Variants in TCF12 observed in about 807,000 individuals in gnomAD.
TCF12 encodes the protein transcription factor 12, also known as DNA-binding protein HTF4.
Under a neutral mutation model 86.0 loss-of-function variants are expected in TCF12, and 45 were observed. The observed-to-expected ratio is 0.52, with a 90% confidence interval of 0.41 to 0.67. TCF12 has a LOEUF of 0.67. TCF12 is among the 30% of genes least tolerant of loss of function. The pLI is 0.00. For missense variants in TCF12, 881 were observed against 859.9 expected, an observed-to-expected ratio of 1.02 and a Z score of -0.31; for synonymous variants, 330 against 299.6, an observed-to-expected ratio of 1.10 and a Z score of -1.05.
At chr15:57,265,102 G>GTATAT (rs2060796960) in intron 18 of TCF12, among the ~76,000 whole-genome samples, 2 of 149,802 alleles carry the variant, frequency 1.3e-5, no homozygotes, top group Admixed American at 1.3e-4. Flanking sequence ...GTATAGTATA[G>GTATAT]TATAGTATAG....
intron 3 of TCF12, among the ~76,000 whole-genome samples, chr15:56,956,535 T>C (rs1224547508): frequency 1.3e-5 from 2 of 152,202 alleles, no homozygotes; most frequent in East Asian, 3.8e-4. Flanking sequence ...ATTTTTCTTG[T>C]ACTTCAACAA....
At chr15:56,945,096 C>G (rs2060937372) in intron 3 of TCF12, among the ~76,000 whole-genome samples, 1 of 152,044 alleles carries the variant, frequency 6.6e-6, no homozygotes, top group Middle Eastern at 3.4e-3. Flanking sequence ...TTCTTTGGTT[C>G]TATTATATGT....
chr15:56,944,099 A>G (rs1411049693), intron 3 of TCF12, among the ~76,000 whole-genome samples: 1 of 152,208 alleles, frequency 6.6e-6, no homozygotes, highest in South Asian at 2.1e-4. Flanking sequence ...GGAAACAAAC[A>G]TGAAAAACTT....
At chr15:57,285,632 T>G (rs1362152921) in intron 20 of TCF12, among the ~76,000 whole-genome samples, 1 of 152,220 alleles carries the variant, frequency 6.6e-6, no homozygotes. Flanking sequence ...GTCTCACTAC[T>G]GAGGAATGAA....
intron 8 of TCF12, among the ~76,000 whole-genome samples, chr15:57,210,857 T>G (rs531988851): frequency 2.6e-5 from 4 of 152,330 alleles, no homozygotes; most frequent in African/African-American, 9.6e-5. Context: ...TTGTGTATAA[T>G]AGTCCTGTTT....
chr15:57,284,236 ACT>A (rs2061832283), intron 20 of TCF12, among the ~76,000 whole-genome samples: 1 of 151,434 alleles, frequency 6.6e-6, no homozygotes, highest in South Asian at 2.1e-4. Flanking sequence ...ATGGAGTTTG[ACT>A]CTGTCGCCTG....
At chr15:57,271,431 G>A (rs149302667) in intron 18 of TCF12, among the ~76,000 whole-genome samples, 5 of 152,318 alleles carry the variant, frequency 3.3e-5, no homozygotes, top group East Asian at 3.9e-4. Context: ...TGCTGGTTGC[G>A]AAGACTGTGG....
chr15:57,152,333 G>T (rs2053822595), intron 5 of TCF12, among the ~76,000 whole-genome samples: 1 of 152,216 alleles, frequency 6.6e-6, no homozygotes, highest in Non-Finnish European at 1.5e-5. Flanking sequence ...ACAAGACTCA[G>T]AGGTGGCCCT....
chr15:57,223,634 ACCAATGAGGTTTT>A (rs1825393959), intron 8 of TCF12, among the ~76,000 whole-genome samples: 1 of 49,740 alleles, frequency 2.0e-5, no homozygotes, highest in Non-Finnish European at 8.4e-5. Context: ...GCACCTGCCT[ACCAATGAGGTTTT>A]TTTTTTTTTT....
At chr15:57,095,224 C>T (rs1164387549) in intron 5 of TCF12, among the ~76,000 whole-genome samples, 2 of 152,114 alleles carry the variant, frequency 1.3e-5, no homozygotes, top group Admixed American at 6.5e-5. Flanking sequence ...AAGCTTTGAC[C>T]GTAGCAGTGA....
chr15:57,273,212 T>C lies in TCF12; in HGVS notation c.1928T>C (p.Ile643Thr). The stretch of plus-strand genomic sequence containing the variant: ...GAAAAACCCCAAACAAAACTCCTTA[T>C]TCTTCATCAAGCCGTGGCAGTCATC... ...KSEKPQTKLLILHQAVAVILS... is the reference protein window; with the variant it reads ...KSEKPQTKLLTLHQAVAVILS... The change falls in exon 19 of 21, where the codon ATT becomes ACT. Residue 643 changes from isoleucine to threonine, a missense_variant. Around this residue, in one of 3 missense-constraint regions of TCF12, gnomAD observed 46 missense variants for 76.7 expected, o/e 0.60. Transcript: ENST00000333725. The C allele has an allele frequency of 6.2e-7, 1 of 1,614,176 alleles. No homozygotes were observed. The highest frequency in any genetic ancestry group is 8.5e-7 in the Non-Finnish European group (1 of 1,180,022).
At chr15:57,267,378 GA>G (rs2060919088) in intron 18 of TCF12, among the ~76,000 whole-genome samples, 1 of 152,168 alleles carries the variant, frequency 6.6e-6, no homozygotes, top group African/African-American at 2.4e-5. Context: ...GGGGCATAAG[GA>G]AGGAAAAAAC....
chr15:57,035,263 GTTATC>G (rs1284567398), intron 3 of TCF12, among the ~76,000 whole-genome samples: 9 of 152,038 alleles, frequency 5.9e-5, no homozygotes, highest in African/African-American at 1.4e-4. Context: ...AAAGAGTAAT[GTTATC>G]TTATTTTATT....
chr15:57,042,476 C>G (rs2066959583), intron 3 of TCF12, among the ~76,000 whole-genome samples: 1 of 152,172 alleles, frequency 6.6e-6, no homozygotes, highest in Non-Finnish European at 1.5e-5. Flanking sequence ...ATGTGTGCCA[C>G]AGTCATTGCT....
At chr15:57,104,720 C>T (rs986724471) in intron 5 of TCF12, among the ~76,000 whole-genome samples, 1 of 149,516 alleles carries the variant, frequency 6.7e-6, no homozygotes, top group Admixed American at 6.6e-5. Context: ...ACAGGCATGA[C>T]CCACTGTGCC....
chr15:56,925,466 G>GA (rs2059969126), intron 3 of TCF12, among the ~76,000 whole-genome samples: 3 of 152,126 alleles, frequency 2.0e-5, no homozygotes, highest in African/African-American at 7.2e-5. Context: ...TTTGAAATGA[G>GA]AAGATAAAGA....
At chr15:57,170,127 A>G (rs1399545618) in intron 6 of TCF12, among the ~76,000 whole-genome samples, 1 of 152,324 alleles carries the variant, frequency 6.6e-6, no homozygotes, top group South Asian at 2.1e-4. Context: ...AAGGCTACAT[A>G]TCTAGCAAGT....
intron 5 of TCF12, among the ~76,000 whole-genome samples, chr15:57,120,045 A>G (rs1187389002): frequency 1.3e-5 from 2 of 152,168 alleles, no homozygotes; most frequent in Non-Finnish European, 2.9e-5. Context: ...CTTTTCTTTC[A>G]CATTATTCCC....
At chr15:57,224,947 A>G (rs2058797717) in intron 8 of TCF12, among the ~76,000 whole-genome samples, 1 of 152,122 alleles carries the variant, frequency 6.6e-6, no homozygotes, top group African/African-American at 2.4e-5. Context: ...AAACTCTAGT[A>G]GCAGATTGGA....
Sources: gnomAD v4.1 joint callset for allele counts (sites outside exome capture counted in the v4.1 genomes callset) on GRCh38, gnomAD v4.1.1 for gene constraint, gnomAD v4.1.1 regional missense constraint, MANE v1.5 for transcripts, NCBI Gene and HGNC (gene_info 2026-07-23, HGNC 2026-07-21) for gene names.